Variants in FAM120A observed in about 807,000 individuals in gnomAD.
The protein encoded by FAM120A is family with sequence similarity 120 member A, also known as constitutive coactivator of PPAR-gamma-like protein 1.
A neutral mutation model predicts 109.7 loss-of-function variants in FAM120A; 15 were observed. The observed-to-expected ratio is 0.14, with a 90% confidence interval of 0.09 to 0.21. The LOEUF (loss-of-function observed/expected upper bound fraction) is 0.21, where lower values mean the gene tolerates loss of function less well. FAM120A is among the 10% of genes least tolerant of loss of function. The pLI, the probability that FAM120A is intolerant of heterozygous loss-of-function variation, is 1.00. For missense variants in FAM120A, 899 were observed against 1,439.3 expected, an observed-to-expected ratio of 0.62 and a Z score of 6.07; for synonymous variants, 493 against 572.8, an observed-to-expected ratio of 0.86 and a Z score of 1.99.
At chr9:93,482,701 CTG>C (rs2131299552) in intron 3 of FAM120A, among the ~76,000 whole-genome samples, 1 of 152,258 alleles carries the variant, frequency 6.6e-6, no homozygotes, top group South Asian at 2.1e-4. Context: ...ATCGCAGGGA[CTG>C]TGTCACCTCC....
At chr9:93,516,406 A>C (rs1283786080) in intron 7 of FAM120A, 137 bp downstream of exon 7, 7 of 1,121,466 alleles carry the variant, frequency 6.2e-6, no homozygotes, top group Non-Finnish European at 8.9e-6. Context: ...GTCTGTACTC[A>C]GATGGGGGCT....
intron 17 of FAM120A, 63 bp from the exon 18 acceptor site, chr9:93,564,166 G>A: frequency 6.6e-7 from 1 of 1,521,252 alleles, no homozygotes; most frequent in Non-Finnish European, 8.9e-7. Context: ...GCCAAAATTG[G>A]CATCCTCTCT....
intron 5 of FAM120A, among the ~76,000 whole-genome samples, chr9:93,503,573 G>T (rs1010626664): frequency 6.6e-6 from 1 of 152,168 alleles, no homozygotes; most frequent in Non-Finnish European, 1.5e-5. Context: ...GCCAGAGGTT[G>T]TGGGGAGGGA....
chr9:93,527,614 A>AT (rs67894788), intron 8 of FAM120A, among the ~76,000 whole-genome samples: 22,518 of 80,356 alleles, frequency 0.28, 7,509 homozygotes, highest in South Asian at 0.58. Flanking sequence ...TTTGTATTTA[A>AT]TTTTTTTTTT....
chr9:93,531,425 G>A (rs963906331), intron 9 of FAM120A: 1 of 152,202 alleles, frequency 6.6e-6, no homozygotes, highest in African/African-American at 2.4e-5. Context: ...GATGTATCTT[G>A]ATGCTGTAAG....
In FAM120A at chr9:93,501,162, C is replaced by T. The variant is rs1859783679; in HGVS notation, c.1030+2276C>T. Among the ~76,000 whole-genome samples, 3 of 152,164 alleles carry T rather than the reference C, an allele frequency of 2.0e-5. No individual in the cohort carries two copies. The South Asian group carries it at 6.2e-4, about 32-fold the overall frequency. ...CCTGTGTTTCACTGACATTGTGCTC[C>T]TGTGGGACAGTCTGTATGGCAGGTG... On this transcript the variant is annotated intron_variant, in intron 5 of 17. Transcript: ENST00000277165.
intron 1 of FAM120A, among the ~76,000 whole-genome samples, chr9:93,460,338 T>C (rs1857733267): frequency 6.6e-6 from 1 of 152,160 alleles, no homozygotes; most frequent in South Asian, 2.1e-4. Context: ...GTTCATCGTT[T>C]ATTTCCTTTT....
rs1308064169 is a variant in FAM120A, at chr9:93,565,085, AAG to A, written c.*546_*547del. ...GTGGTTCTTTTGTGTTAAAAAAAAA[AAG>A]TGCAACTATCAAAACTAAAAAATTA... is the stretch of plus-strand genomic sequence containing the variant. On this transcript the variant is annotated 3_prime_UTR_variant, in exon 18 of 18. Transcript: ENST00000277165. 1 of 152,656 alleles carries A rather than the reference AAG, an allele frequency of 6.6e-6. No homozygotes were observed. Among genetic ancestry groups the A allele is most frequent in the Non-Finnish European group, 1.5e-5 (1 of 68,038 alleles). 9.5% of individuals were successfully genotyped at this position (152,656 alleles called of 1,614,324 possible). A position where few individuals can be genotyped will look rare whatever the true frequency, so the allele number is the denominator to read the frequency against.
chr9:93,465,623 A>G (rs1857980722), intron 1 of FAM120A, among the ~76,000 whole-genome samples: 1 of 152,186 alleles, frequency 6.6e-6, no homozygotes, highest in Non-Finnish European at 1.5e-5. Flanking sequence ...TAGAAAATTT[A>G]CAAAGATAGT....
intron 1 of FAM120A, among the ~76,000 whole-genome samples, chr9:93,462,242 C>A (rs1857825146): frequency 6.6e-6 from 1 of 152,096 alleles, no homozygotes; most frequent in East Asian, 1.9e-4. Flanking sequence ...ATAAAATTTA[C>A]CAATTTAACC....
intron 7 of FAM120A, among the ~76,000 whole-genome samples, chr9:93,525,886 C>A (rs920829674): frequency 1.3e-5 from 2 of 152,226 alleles, no homozygotes; most frequent in African/African-American, 4.8e-5. Flanking sequence ...GTGAACTTTT[C>A]ATGGCGTGCA....
intron 5 of FAM120A, among the ~76,000 whole-genome samples, chr9:93,511,430 G>T (rs572354395): frequency 5.9e-5 from 9 of 152,184 alleles, no homozygotes; most frequent in Admixed American, 5.9e-4. Flanking sequence ...CTCAGTCCAG[G>T]CTTGGCCAGC....
At chr9:93,514,524 A>G (rs1175404940) in intron 5 of FAM120A, among the ~76,000 whole-genome samples, 2 of 152,198 alleles carry the variant, frequency 1.3e-5, no homozygotes, top group African/African-American at 4.8e-5. Context: ...TGTCTCACAC[A>G]GGTTTTCTAT....
In FAM120A at chr9:93,480,018, T is replaced by C. The variant is rs548485097; in HGVS notation, c.804+3680T>C. On this transcript the variant is annotated intron_variant, in intron 3 of 17. Transcript: ENST00000277165. ...CCAAATTCTGTTTTGTCCTGCCTTA[T>C]TAGTTAGTAGTAGATCGTGCTTATT... is the stretch of plus-strand genomic sequence containing the variant. 3.7e-4 allele frequency among the ~76,000 whole-genome samples: 56 copies of C among 152,162 alleles called. 1 individual carries two copies. Among genetic ancestry groups the C allele is most frequent in the South Asian group, 4.1e-4 (2 of 4,822 alleles).
intron 1 of FAM120A, among the ~76,000 whole-genome samples, chr9:93,456,498 A>G (rs569509130): frequency 1.3e-5 from 2 of 152,308 alleles, no homozygotes; most frequent in Admixed American, 1.3e-4. Flanking sequence ...GTATTTAGAG[A>G]TGATGGTCTC....
intron 10 of FAM120A, among the ~76,000 whole-genome samples, chr9:93,541,871 A>T (rs1861713614): frequency 6.6e-6 from 1 of 152,174 alleles, no homozygotes; most frequent in Non-Finnish European, 1.5e-5. Flanking sequence ...AAATGTATTT[A>T]AGCATTTTTT....
At chr9:93,558,312 CAG>C (rs1862361661) in intron 14 of FAM120A, among the ~76,000 whole-genome samples, 1 of 152,258 alleles carries the variant, frequency 6.6e-6, no homozygotes. Context: ...CCACCCAGGT[CAG>C]AGAGAGCCAT....
In FAM120A at chr9:93,529,593, G is replaced by T; in HGVS notation, c.1734+13G>T. ...TGTCCTGACGAAGGTATTATCAAAGGGGCCCTGGAGTGGCTTCTGTTATTT... is the reference window on the plus strand; with the variant it reads ...TGTCCTGACGAAGGTATTATCAAAGTGGCCCTGGAGTGGCTTCTGTTATTT... On this transcript the variant is annotated intron_variant, in intron 9 of 17. Coordinates refer to ENST00000277165, the MANE Select transcript of FAM120A (RefSeq NM_014612.5). 6.2e-7 allele frequency: 1 copy of T among 1,612,262 alleles called. No homozygotes were observed. Among genetic ancestry groups the T allele is most frequent in the Non-Finnish European group, 8.5e-7 (1 of 1,178,286 alleles).
At position 93,529,453 on chromosome 9, in the gene FAM120A, C is replaced by T; in HGVS notation, c.1607C>T (p.Pro536Leu). 6.2e-7 allele frequency: 1 copy of T among 1,614,218 alleles called. No individual in the cohort carries two copies. The highest frequency in any genetic ancestry group is 1.1e-5 in the South Asian group (1 of 91,090). Residue 536 changes from proline (P) to leucine (L), a missense_variant, in exon 9 of 18, where the codon CCC becomes CTC. Pro to Leu is a moderately conservative substitution (Grantham distance 98, BLOSUM62 -3). Transcript: ENST00000277165. ...VQPIPCLLSM[P>L]TRNHMDITTP... is the part of the protein sequence containing the mutation. The stretch of plus-strand genomic sequence containing the variant: ...CCAATCCCGTGCCTCCTGTCGATGC[C>T]CACCAGGAACCACATGGACATCACC...
Sources: gnomAD v4.1 joint callset for allele counts (sites outside exome capture counted in the v4.1 genomes callset) on GRCh38, gnomAD v4.1.1 for gene constraint, MANE v1.5 for transcripts, NCBI Gene and HGNC (gene_info 2026-07-23, HGNC 2026-07-21) for gene names.